VMP1: variants seen among roughly 807,000 people sequenced by gnomAD.
VMP1 encodes the protein ectopic P-granules autophagy protein 3 homolog.
Under a neutral mutation model 56.0 loss-of-function variants are expected in VMP1, and 11 were observed. That is an observed-to-expected ratio of 0.20 (90% CI 0.12 to 0.32). The LOEUF (loss-of-function observed/expected upper bound fraction) is 0.32. Ranked by LOEUF, VMP1 falls within the 10% of genes least tolerant of loss-of-function variation. The pLI is 1.00. For synonymous variants in VMP1, 149 were observed against 165.0 expected, an observed-to-expected ratio of 0.90 and a Z score of 0.74; for missense variants, 296 against 490.3, an observed-to-expected ratio of 0.60 and a Z score of 3.74.
intron 7 of VMP1, among the ~76,000 whole-genome samples, chr17:59,781,947 C>T (rs762815303): frequency 4.6e-5 from 7 of 152,050 alleles, no homozygotes; most frequent in Non-Finnish European, 7.4e-5. Context: ...CTCGCTCTGT[C>T]GCCTATGCTG....
At chr17:59,726,237 T>A (rs773261009) in intron 1 of VMP1, among the ~76,000 whole-genome samples, 1 of 151,982 alleles carries the variant, frequency 6.6e-6, no homozygotes, top group Non-Finnish European at 1.5e-5. Flanking sequence ...AAATATTTTT[T>A]AAAAGATATT....
chr17:59,732,091 T>C (rs1203735150), intron 2 of VMP1, among the ~76,000 whole-genome samples: 1 of 152,150 alleles, frequency 6.6e-6, no homozygotes, highest in East Asian at 1.9e-4. Flanking sequence ...AAAAAAGTTT[T>C]ACTTTTGTTG....
rs1406593620 is a variant in VMP1, at chr17:59,707,764, CAG to C, written c.-27+17_-27+18del. On this transcript the variant is annotated intron_variant, in intron 1 of 11. Coordinates refer to ENST00000262291, the MANE Select transcript of VMP1 (RefSeq NM_030938.5). ...GTCGGAGCGGGTAGGTAAACTAACT[CAG>C]GGAATTGGGGACCGAAGCCTGAGGC... The C allele has an allele frequency of 2.0e-5, 3 of 152,242 alleles. No homozygotes were observed. The highest frequency in any genetic ancestry group is 4.4e-5 in the Non-Finnish European group (3 of 68,116). 9.4% of individuals were successfully genotyped at this position (152,242 alleles called of 1,614,324 possible).
At chr17:59,801,671 G>T (rs995767574) in intron 7 of VMP1, among the ~76,000 whole-genome samples, 27 of 152,266 alleles carry the variant, frequency 1.8e-4, no homozygotes, top group African/African-American at 6.0e-4. Context: ...GAGGCAGCCG[G>T]ATCACCTGAG....
intron 5 of VMP1, among the ~76,000 whole-genome samples, chr17:59,760,386 C>A (rs2036006651): frequency 6.6e-6 from 1 of 151,882 alleles, no homozygotes; most frequent in African/African-American, 2.4e-5. Flanking sequence ...AATATATTTT[C>A]CCTAGCTCCC....
chr17:59,820,502 C>T (rs1420891017), intron 10 of VMP1, among the ~76,000 whole-genome samples: 1 of 152,212 alleles, frequency 6.6e-6, no homozygotes, highest in Non-Finnish European at 1.5e-5. Context: ...TTGAGAATCA[C>T]TGGCCTAAAC....
At position 59,820,812 on chromosome 17, in the gene VMP1, G is replaced by C. The variant is rs111538738; in HGVS notation, c.974+3039G>C. ...TGCTGAATAAGTGAACACATGACCA[G>C]TACAAATTAGAAAATCATTGGTATA... On this transcript the variant is annotated intron_variant, in intron 10 of 11. Transcript: ENST00000262291. Among the ~76,000 whole-genome samples the C allele has an allele frequency of 2.8e-3, 432 of 152,266 alleles. 3 individuals are homozygous for C. Among genetic ancestry groups the C allele is most frequent in the African/African-American group, 9.4e-3 (389 of 41,560 alleles).
At chr17:59,715,244 G>A (rs1391419965) in intron 1 of VMP1, among the ~76,000 whole-genome samples, 2 of 152,112 alleles carry the variant, frequency 1.3e-5, no homozygotes, top group African/African-American at 4.8e-5. Flanking sequence ...TTATTAGTGT[G>A]TTTTCACACT....
chr17:59,726,120 T>G (rs180773304), intron 1 of VMP1, among the ~76,000 whole-genome samples: 6 of 152,278 alleles, frequency 3.9e-5, no homozygotes, highest in African/African-American at 1.4e-4. Flanking sequence ...TTACTTACTG[T>G]GATAGAGATG....
chr17:59,803,745 A>G (rs1181411039), intron 7 of VMP1, among the ~76,000 whole-genome samples: 2 of 152,192 alleles, frequency 1.3e-5, no homozygotes, highest in Non-Finnish European at 2.9e-5. Context: ...ATACTCCAAA[A>G]CTATTCAAAT....
In VMP1 at chr17:59,747,410, TTTC is replaced by T. The variant is rs1208370546; in HGVS notation, c.414+8466_414+8468del. Reference sequence around the variant, plus strand: ...CCGGGTTTTTTTCTTTCTTTCTTTCTTTCTTTTTTTTTTTTTTGAGATGGAATC... The same window carrying T: ...CCGGGTTTTTTTCTTTCTTTCTTTCTTTTTTTTTTTTTTTGAGATGGAATC... On this transcript the variant is annotated intron_variant, in intron 5 of 11. Coordinates refer to ENST00000262291, the MANE Select transcript of VMP1 (RefSeq NM_030938.5). Among the ~76,000 whole-genome samples the T allele has an allele frequency of 3.2e-3, 441 of 137,064 alleles. 13 individuals carry two copies. In the East Asian group the frequency reaches 0.073, roughly 23 times the overall value. 89.9% of individuals were successfully genotyped at this position (137,064 alleles called of 152,430 possible).
chr17:59,811,906 C>A, intron 9 of VMP1, 120 bp downstream of exon 9: 1 of 709,864 alleles, frequency 1.4e-6, no homozygotes, highest in Non-Finnish European at 2.4e-6. Context: ...TGGTAGCTTA[C>A]TTAGGTAATA....
intron 7 of VMP1, among the ~76,000 whole-genome samples, chr17:59,792,284 A>G (rs531186978): frequency 2.0e-5 from 3 of 152,232 alleles, no homozygotes; most frequent in Admixed American, 2.0e-4. Flanking sequence ...TCAAAATCAA[A>G]AAAAGATTGG....
intron 8 of VMP1, among the ~76,000 whole-genome samples, chr17:59,810,857 T>A (rs2038030778): frequency 6.6e-6 from 1 of 152,238 alleles, no homozygotes; most frequent in South Asian, 2.1e-4. Flanking sequence ...TCAGAGTACT[T>A]TCATAGGAGA....
chr17:59,743,600 TTATATATATGC>T (rs1158918472), intron 5 of VMP1, among the ~76,000 whole-genome samples: 6 of 149,412 alleles, frequency 4.0e-5, no homozygotes, highest in East Asian at 1.9e-4. Context: ...ATATGCTATA[TTATATATATGC>T]TATATATATG....
rs775040311 is a variant in VMP1 at position 59,773,903 on chromosome 17, A to G, written c.714+18A>G. ...CTGCACAAGTAAGAACAGTGGGGAT[A>G]GAAAATAGAACACTTTACTTCTTCC... On this transcript the variant is annotated intron_variant, in intron 7 of 11. Coordinates refer to ENST00000262291, the MANE Select transcript of VMP1 (RefSeq NM_030938.5). 4.4e-6 allele frequency: 7 copies of G among 1,589,294 alleles called. No homozygotes were observed. The South Asian group carries it at 6.9e-5, about 16-fold the overall frequency.
intron 7 of VMP1, among the ~76,000 whole-genome samples, chr17:59,808,237 A>G (rs956209384): frequency 2.6e-5 from 4 of 152,226 alleles, no homozygotes; most frequent in Non-Finnish European, 5.9e-5. Context: ...GATTGGTTAT[A>G]ATAATATCCA....
intron 5 of VMP1, among the ~76,000 whole-genome samples, chr17:59,760,021 G>C (rs1243707119): frequency 4.0e-5 from 6 of 150,490 alleles, no homozygotes; most frequent in Admixed American, 4.0e-4. Flanking sequence ...AGCTACTCGG[G>C]AGGCTGAGGT....
intron 10 of VMP1, among the ~76,000 whole-genome samples, chr17:59,828,335 G>C: frequency 6.6e-6 from 1 of 152,154 alleles, no homozygotes; most frequent in South Asian, 2.1e-4. Context: ...ATCTCCAAAA[G>C]CTAGGGCAAT....
Sources: gnomAD v4.1 joint callset for allele counts (sites outside exome capture counted in the v4.1 genomes callset) on GRCh38, gnomAD v4.1.1 for gene constraint, MANE v1.5 for transcripts, NCBI Gene and HGNC (gene_info 2026-07-23, HGNC 2026-07-21) for gene names.